EIF4ENIF1: variants seen among roughly 807,000 people sequenced by gnomAD.
EIF4ENIF1 encodes the protein eukaryotic translation initiation factor 4E transporter.
Under a neutral mutation model 110.5 loss-of-function variants are expected in EIF4ENIF1, and 23 were observed. The ratio of observed to expected loss-of-function variants is 0.21; its 90% CI spans 0.15 to 0.29. The LOEUF (loss-of-function observed/expected upper bound fraction) is 0.29, where lower values mean the gene tolerates loss of function less well. Among genes scored for constraint, EIF4ENIF1 ranks in the 10% least tolerant of loss-of-function variants. EIF4ENIF1 has a pLI of 1.00. For missense variants in EIF4ENIF1, 1,031 were observed against 1,221.1 expected (o/e 0.84, Z 2.32); for synonymous variants, 440 against 437.0 (o/e 1.01, Z -0.09).
At chr22:31,442,144 T>C in intron 16 of EIF4ENIF1, 26 bp from the exon 17 acceptor site, 1 of 1,564,834 alleles carries the variant, frequency 6.4e-7, no homozygotes, top group Non-Finnish European at 8.7e-7. Context: ...CAAAAAATAT[T>C]TTGGCAAACC....
intron 1 of EIF4ENIF1, chr22:31,489,084 G>A (rs148355638): frequency 1.5e-4 from 31 of 205,310 alleles, no homozygotes; most frequent in East Asian, 3.0e-4. Context: ...CCGGAGTGGG[G>A]GCAGGTAGAA....
At chr22:31,458,776 G>T in intron 6 of EIF4ENIF1, 126 bp from the exon 7 acceptor site, 1 of 809,496 alleles carries the variant, frequency 1.2e-6, no homozygotes, top group Non-Finnish European at 1.8e-6. Context: ...TTCTCGTGCA[G>T]GTACTGTACT....
At chr22:31,450,245 T>C (rs1480365287) in intron 11 of EIF4ENIF1, 44 bp downstream of exon 11, 2 of 1,538,626 alleles carry the variant, frequency 1.3e-6, no homozygotes, top group South Asian at 2.3e-5. Context: ...TTCAGAAGAC[T>C]ACTGTTCAAG....
rs1284618833 is a variant in EIF4ENIF1, at chr22:31,470,338, T to C, written c.170+1506A>G. Among the ~76,000 whole-genome samples, 5 of 151,544 alleles carry C rather than the reference T, an allele frequency of 3.3e-5. No individual in the cohort carries two copies. The East Asian group carries it at 7.9e-4, about 24-fold the overall frequency. On this transcript the variant is annotated intron_variant, in intron 3 of 18. Coordinates refer to ENST00000330125, the MANE Select transcript of EIF4ENIF1 (RefSeq NM_019843.4). Reference sequence around the variant, plus strand: ...CTCTGTTGCCCAGGCTGCAGTGCAATGGCGCAGTCTAGGATCAACGCAACC... The same window carrying C: ...CTCTGTTGCCCAGGCTGCAGTGCAACGGCGCAGTCTAGGATCAACGCAACC...
At chr22:31,459,453 G>C (rs188912364) in intron 6 of EIF4ENIF1, among the ~76,000 whole-genome samples, 1 of 152,296 alleles carries the variant, frequency 6.6e-6, no homozygotes, top group East Asian at 1.9e-4. Flanking sequence ...CCTTCAAGGC[G>C]AAATTCAAAT....
intron 4 of EIF4ENIF1, among the ~76,000 whole-genome samples, chr22:31,464,891 T>G (rs1404578435): frequency 6.6e-6 from 1 of 151,016 alleles, no homozygotes; most frequent in Non-Finnish European, 1.5e-5. Flanking sequence ...TAAAAAACAC[T>G]GATAGACTGG....
chr22:31,468,534 A>C (rs2051265691), intron 3 of EIF4ENIF1, among the ~76,000 whole-genome samples: 1 of 152,148 alleles, frequency 6.6e-6, no homozygotes, highest in Admixed American at 6.6e-5. Flanking sequence ...AGCTGGGATT[A>C]CAAGTGCCCA....
intron 7 of EIF4ENIF1, among the ~76,000 whole-genome samples, chr22:31,457,438 T>C (rs2050864203): frequency 6.6e-6 from 1 of 152,180 alleles, no homozygotes. Flanking sequence ...AAAGACAAGA[T>C]AGAGCAAACA....
intron 15 of EIF4ENIF1, 185 bp downstream of exon 15, chr22:31,444,421 A>G: frequency 1.7e-6 from 1 of 596,162 alleles, no homozygotes; most frequent in East Asian, 2.9e-5. Flanking sequence ...GGGCTTCATT[A>G]AAATCCTAAG....
At chr22:31,480,266 T>A (rs1332752951) in intron 2 of EIF4ENIF1, among the ~76,000 whole-genome samples, 1 of 152,188 alleles carries the variant, frequency 6.6e-6, no homozygotes, top group Non-Finnish European at 1.5e-5. Context: ...ATTACTAGTA[T>A]GAACACCCAC....
chr22:31,458,832 A>G (rs919106272), intron 6 of EIF4ENIF1, among the ~76,000 whole-genome samples, 182 bp from the exon 7 acceptor site: 1 of 152,212 alleles, frequency 6.6e-6, no homozygotes, highest in African/African-American at 2.4e-5. Context: ...AGAAAAGGAA[A>G]AAAGCCTTAA....
chr22:31,465,947 T>A (rs1222595988), intron 4 of EIF4ENIF1, among the ~76,000 whole-genome samples: 1 of 152,170 alleles, frequency 6.6e-6, no homozygotes, highest in Non-Finnish European at 1.5e-5. Flanking sequence ...TCCTAGGAAA[T>A]GTAAACTAAT....
chr22:31,458,052 A>G (rs977105166), intron 7 of EIF4ENIF1, among the ~76,000 whole-genome samples: 23 of 152,024 alleles, frequency 1.5e-4, no homozygotes, highest in Non-Finnish European at 4.4e-5. Flanking sequence ...ACATAGTGAA[A>G]CCCCATCTCT....
At chr22:31,463,549 G>T in intron 5 of EIF4ENIF1, 132 bp downstream of exon 5, 2 of 874,026 alleles carry the variant, frequency 2.3e-6, no homozygotes, top group Non-Finnish European at 1.7e-6. Context: ...GGGTATGGTG[G>T]TGCGTGCCTA....
intron 2 of EIF4ENIF1, among the ~76,000 whole-genome samples, chr22:31,478,226 C>T (rs570128742): frequency 1.3e-5 from 2 of 152,262 alleles, no homozygotes; most frequent in South Asian, 2.1e-4. Context: ...TAAGTCAATA[C>T]AGTTTGGGCC....
chr22:31,451,643 C>T (rs906426534), intron 10 of EIF4ENIF1, among the ~76,000 whole-genome samples: 81 of 152,054 alleles, frequency 5.3e-4, no homozygotes, highest in Admixed American at 1.7e-3. Context: ...AAATCCTCCA[C>T]TCTTAAAGCA....
At chr22:31,447,274 A>G in intron 14 of EIF4ENIF1, 152 bp downstream of exon 14, 1 of 874,056 alleles carries the variant, frequency 1.1e-6, no homozygotes, top group African/African-American at 1.7e-5. Context: ...TATTAAATCT[A>G]TTTCTTCTAT....
rs58233170 is a variant in EIF4ENIF1 at position 31,471,317 on chromosome 22, CT to C, written c.170+526del. 4.2e-3 allele frequency among the ~76,000 whole-genome samples: 594 copies of C among 140,488 alleles called. 2 individuals are homozygous for C. Among genetic ancestry groups the C allele is most frequent in the Admixed American group, 4.1e-3 (58 of 13,988 alleles). 92.2% of individuals were successfully genotyped at this position (140,488 alleles called of 152,430 possible). A position where few individuals can be genotyped will look rare whatever the true frequency, so the allele number is the denominator to read the frequency against. On this transcript the variant is annotated intron_variant, in intron 3 of 18. Coordinates refer to ENST00000330125, the MANE Select transcript of EIF4ENIF1 (RefSeq NM_019843.4). ...CTGGTGAGGACTCCTGGGTTCAAGT[CT>C]TTTTTTTTTTTTTTGAGACGGAATC...
At chr22:31,455,353 T>G (rs772502150) in intron 8 of EIF4ENIF1, 38 bp from the exon 9 acceptor site, 1 of 1,435,822 alleles carries the variant, frequency 7.0e-7, no homozygotes, top group Admixed American at 2.5e-5. Context: ...ATTAATCTGT[T>G]CCAGTAAAGA....
Sources: gnomAD v4.1 joint callset for allele counts (sites outside exome capture counted in the v4.1 genomes callset) on GRCh38, gnomAD v4.1.1 for gene constraint, MANE v1.5 for transcripts, NCBI Gene and HGNC (gene_info 2026-07-23, HGNC 2026-07-21) for gene names.